Variants in MUC6 observed in about 807,000 individuals in gnomAD.
MUC6 encodes mucin-6.
MUC6 carries 188 observed loss-of-function variants against 201.5 expected under a neutral mutation model. That is an observed-to-expected ratio of 0.93 (90% confidence interval 0.83 to 1.05). MUC6 has a LOEUF of 1.05. MUC6 is among the 50% of genes least tolerant of loss of function. MUC6 has a pLI of 0.00. For synonymous variants in MUC6, 1,228 were observed against 1,389.4 expected (o/e 0.88, Z 2.58); for missense variants, 2,706 against 3,256.9 (o/e 0.83, Z 4.12).
At position 1,020,749 on chromosome 11, in the gene MUC6, G is replaced by A. The variant is rs1386875102; in HGVS notation, c.3590-15C>T. 3.1e-6 allele frequency: 5 copies of A among 1,611,950 alleles called. No individual in the cohort carries two copies. The highest frequency in any genetic ancestry group is 3.4e-6 in the Non-Finnish European group (4 of 1,179,740). On this transcript the variant is annotated splice_polypyrimidine_tract_variant and intron_variant, in intron 27 of 32. Coordinates refer to ENST00000421673, the MANE Select transcript of MUC6 (RefSeq NM_005961.3). Reference sequence around the variant, plus strand: ...GGTGGGCGGCACTGCAAGAAGATGGGGTCAGCTCCCTGTGGTTCTCTAAGC... The same window carrying A: ...GGTGGGCGGCACTGCAAGAAGATGGAGTCAGCTCCCTGTGGTTCTCTAAGC...
Position 1,020,158 on chromosome 11 carries a change from G to T in MUC6, c.3740C>A (p.Ala1247Asp), listed in dbSNP as rs780756809. The change falls in exon 29 of 33, where the codon GCC becomes GAC. Residue 1247 changes from alanine to aspartate, a missense_variant. Transcript: ENST00000421673. ...GPSPSSNHTP[A>D]SPTQTPLLPA... ...AAGGAGGGGTGTCTGGGTGGGGCTGGCAGGGGTGTGATTAGAGCTGGGTGA... is the reference window on the plus strand; with the variant it reads ...AAGGAGGGGTGTCTGGGTGGGGCTGTCAGGGGTGTGATTAGAGCTGGGTGA... 4.8e-5 allele frequency: 77 copies of T among 1,613,016 alleles called. No individual in the cohort carries two copies. Among genetic ancestry groups the T allele is most frequent in the Non-Finnish European group, 6.3e-5 (74 of 1,179,856 alleles).
rs113221011 is a variant in MUC6, at chr11:1,012,943, C to T, written c.*513G>A. ...CCTTCTGCCTGGCTGGGAGCGGGGGCGGCTGCCCTGCCCTCGCTGCCACCC... is the reference window on the plus strand; with the variant it reads ...CCTTCTGCCTGGCTGGGAGCGGGGGTGGCTGCCCTGCCCTCGCTGCCACCC... On this transcript the variant is annotated 3_prime_UTR_variant, in exon 33 of 33. Transcript: ENST00000421673. The T allele has an allele frequency of 7.7e-5, 12 of 155,880 alleles. No individual in the cohort carries two copies. Among genetic ancestry groups the T allele is most frequent in the East Asian group, 3.8e-4 (2 of 5,236 alleles). 9.7% of individuals were successfully genotyped at this position (155,880 alleles called of 1,614,324 possible). A position where few individuals can be genotyped will look rare whatever the true frequency, so the allele number is the denominator to read the frequency against.
At chr11:1,032,109 G>A (rs1334308878) in intron 2 of MUC6, 56 bp from the exon 3 acceptor site, 31 of 1,590,450 alleles carry the variant, frequency 1.9e-5, no homozygotes, top group Non-Finnish European at 2.4e-5. Context: ...TGGCCAGGCA[G>A]GGCTGGGGCA....
intron 26 of MUC6, 139 bp downstream of exon 26, chr11:1,023,370 G>GAA: frequency 9.1e-7 from 1 of 1,097,794 alleles, no homozygotes; most frequent in Admixed American, 2.3e-5. Context: ...GTGAATGAAT[G>GAA]TGTGCAAATT....
At chr11:1,020,459 C>G (rs1179741216) in intron 28 of MUC6, among the ~76,000 whole-genome samples, 5 of 152,154 alleles carry the variant, frequency 3.3e-5, no homozygotes, top group South Asian at 2.1e-4. Context: ...TGTTGAGGCC[C>G]CACTCTGTGC....
chr11:1,019,424 G>C lies in MUC6; in HGVS notation c.3881C>G (p.Ser1294Trp). The change falls in exon 30 of 33, where the codon TCG becomes TGG. Residue 1294 changes from serine (S) to tryptophan (W), a missense_variant. Around this residue, in one of 10 missense-constraint regions of MUC6, gnomAD observed 1,850 missense variants for 1,958.3 expected, o/e 0.94. Coordinates refer to ENST00000421673, the MANE Select transcript of MUC6 (RefSeq NM_005961.3). ...SGLPPTATLR[S>W]TATKPTVTQA... ...GGTCACTGTGGGTTTTGTGGCTGTCGATCTCAGTGTGGCTGTGGGAGGCAG... is the reference window on the plus strand; with the variant it reads ...GGTCACTGTGGGTTTTGTGGCTGTCCATCTCAGTGTGGCTGTGGGAGGCAG... 6.2e-7 allele frequency: 1 copy of C among 1,613,882 alleles called. No individual in the cohort carries two copies. The highest frequency in any genetic ancestry group is 8.5e-7 in the Non-Finnish European group (1 of 1,179,856).
chr11:1,030,968 G>C lies in MUC6; in HGVS notation c.663C>G (p.Thr221=). Residue 221 remains threonine (T), a synonymous_variant, in exon 6 of 33, where the codon ACC becomes ACG. Transcript: ENST00000421673. ...TTACGTGCTGGGCCTGCCGGACGTG[G>C]GTGCTGGGGATGTCCTGGAAGGTGC... is the stretch of plus-strand genomic sequence containing the variant. ...EICTFQDIPS[T]HVRQAQHARI... is the part of the protein sequence containing the mutation. 1.9e-6 allele frequency: 3 copies of C among 1,582,368 alleles called. No homozygotes were observed. The highest frequency in any genetic ancestry group is 2.6e-6 in the Non-Finnish European group (3 of 1,164,814).
rs562974872 is a variant in MUC6, at chr11:1,032,899, A to G, written c.115+114T>C. 8 of 833,002 alleles carry G rather than the reference A, an allele frequency of 9.6e-6. No individual in the cohort carries two copies. In the South Asian group the frequency reaches 1.3e-4, roughly 13 times the overall value. 51.6% of individuals were successfully genotyped at this position (833,002 alleles called of 1,614,324 possible). ...TGCATGTGTGTTCATGTTGGTGCATATATGTGTGTTGGATGTGTGTGTCTT... is the reference window on the plus strand; with the variant it reads ...TGCATGTGTGTTCATGTTGGTGCATGTATGTGTGTTGGATGTGTGTGTCTT... On this transcript the variant is annotated intron_variant, in intron 2 of 32. Transcript: ENST00000421673.
At chr11:1,030,363 G>C (rs112111283) in intron 7 of MUC6, 28 bp from the exon 8 acceptor site, 80,117 of 1,540,308 alleles carry the variant, frequency 0.052, 2,300 homozygotes, top group African/African-American at 0.091. Flanking sequence ...TCCGGTGAGA[G>C]GGTCCCACCC....
Position 1,013,539 on chromosome 11 carries a change from G to A in MUC6, c.7237C>T (p.Pro2413Ser), listed in dbSNP as rs1326639755. Residue 2413 changes from proline to serine, a missense_variant, in exon 33 of 33, where the codon CCC becomes TCC. Physicochemically the swap from Pro to Ser is moderately conservative, Grantham distance 74 (BLOSUM62 -1). Around this residue, in one of 10 missense-constraint regions of MUC6, gnomAD observed 586 missense variants for 488.0 expected, o/e 1.20. Coordinates refer to ENST00000421673, the MANE Select transcript of MUC6 (RefSeq NM_005961.3). ...EQQLELPCPDPSTPGRRLVLT... is the reference protein window; with the variant it reads ...EQQLELPCPDSSTPGRRLVLT... ...ACGAGCCGCCGGCCAGGCGTGCTGG[G>A]ATCGGGGCAGGGCAGCTCCAGCTGC... The A allele has an allele frequency of 6.3e-7, 1 of 1,580,168 alleles. No individual in the cohort carries two copies. Among genetic ancestry groups the A allele is most frequent in the African/African-American group, 1.3e-5 (1 of 74,220 alleles).
chr11:1,035,686 TG>T (rs980213161), intron 1 of MUC6, among the ~76,000 whole-genome samples: 1 of 151,816 alleles, frequency 6.6e-6, no homozygotes, highest in Non-Finnish European at 1.5e-5. Flanking sequence ...GGGACACCCC[TG>T]GGGGGGTCCC....
In MUC6 at chr11:1,027,295, T is replaced by G. The variant is rs1040983143; in HGVS notation, c.2204A>C (p.Gln735Pro). The G allele has an allele frequency of 3.1e-6, 5 of 1,612,730 alleles. No individual in the cohort carries two copies. The highest frequency in any genetic ancestry group is 4.2e-6 in the Non-Finnish European group (5 of 1,179,828). The part of the protein sequence containing the change: ...LEGYKFILAE[Q>P]STVINGITCH... ...GGTGATGCCGTTGATGACAGTGGAC[T>G]GCTCGGCCAGGATGAACTTGTAACC... Residue 735 changes from glutamine (Q) to proline (P), a missense_variant, in exon 17 of 33, where the codon CAG becomes CCG. This residue lies in a region of MUC6 where 1,850 missense variants were observed against 1,958.3 expected (regional missense o/e 0.94). Coordinates refer to ENST00000421673, the MANE Select transcript of MUC6 (RefSeq NM_005961.3).
At chr11:1,031,407 G>T (rs1857101719) in intron 4 of MUC6, 148 bp from the exon 5 acceptor site, 2 of 1,173,580 alleles carry the variant, frequency 1.7e-6, no homozygotes, top group South Asian at 1.6e-5. Flanking sequence ...TAATTTTCCA[G>T]TGGAGAAGCC....
chr11:1,018,450 A>G lies in MUC6; in HGVS notation c.4351T>C (p.Ser1451Pro). ...TTLPTHVPPF[S>P]TSLVTPSTHT... Reference sequence around the variant, plus strand: ...GTACTTGGAGTCACCAAGGAGGTGGAGAAAGGTGGAACGTGAGTGGGAAGT... The same window carrying G: ...GTACTTGGAGTCACCAAGGAGGTGGGGAAAGGTGGAACGTGAGTGGGAAGT... Residue 1451 changes from serine (S) to proline (P), a missense_variant, in exon 31 of 33, where the codon TCC becomes CCC. By Grantham distance (74) the Ser-to-Pro change is moderately conservative (BLOSUM62 -1). This residue lies in a region of MUC6 where 128 missense variants were observed against 206.5 expected (regional missense o/e 0.62). Transcript: ENST00000421673. 3.1e-6 allele frequency: 5 copies of G among 1,614,054 alleles called. No individual in the cohort carries two copies. The highest frequency in any genetic ancestry group is 4.2e-6 in the Non-Finnish European group (5 of 1,179,884).
At position 1,026,359 on chromosome 11, in the gene MUC6, TC is replaced by T; in HGVS notation, c.2513del (p.Gly838GlufsTer74). Reference sequence around the variant, plus strand: ...TGCAGTCAGTGTGGAGCTCAGCTCCTCCAGGGTAGGAGACCCCCGAGAACTC... The same window carrying T: ...TGCAGTCAGTGTGGAGCTCAGCTCCTCAGGGTAGGAGACCCCCGAGAACTC... ...PCEFSGVSYP[G>X]GAELHTDCRT... On this transcript the variant is annotated frameshift_variant, in exon 20 of 33. Transcript: ENST00000421673. LOFTEE classifies it high-confidence loss of function. 6.3e-7 allele frequency: 1 copy of T among 1,599,026 alleles called. No individual in the cohort carries two copies. Among genetic ancestry groups the T allele is most frequent in the South Asian group, 1.1e-5 (1 of 90,166 alleles).
intron 26 of MUC6, among the ~76,000 whole-genome samples, chr11:1,023,020 ATG>A (rs932543004): frequency 6.6e-6 from 1 of 151,158 alleles, no homozygotes. Flanking sequence ...GCATGAATGA[ATG>A]TGAATGTGTT....
At position 1,020,094 on chromosome 11, in the gene MUC6, C is replaced by A. The variant is rs537722730; in HGVS notation, c.3804G>T (p.Ser1268=). ...TLTSSKPTAS[S]GEPPRPTTAV... The stretch of plus-strand genomic sequence containing the variant: ...GCTCAGCTGGAGGCTCCTTACCTCC[C>A]GAGGAGGCTGTGGGCTTGGAGGATG... Residue 1268 remains serine (S), a synonymous_variant, in exon 29 of 33, where the codon TCG becomes TCT. Transcript: ENST00000421673. 1 of 1,613,284 alleles carries A rather than the reference C, an allele frequency of 6.2e-7. No homozygotes were observed. Among genetic ancestry groups the A allele is most frequent in the Non-Finnish European group, 8.5e-7 (1 of 1,179,818 alleles).
chr11:1,028,828 C>G (rs770283778), intron 12 of MUC6, 45 bp from the exon 13 acceptor site: 1 of 1,609,286 alleles, frequency 6.2e-7, no homozygotes, highest in Non-Finnish European at 8.5e-7. Flanking sequence ...TCCCTCCCCA[C>G]CCACTGCAGC....
intron 24 of MUC6, 132 bp downstream of exon 24, chr11:1,024,710 ACT>A (rs1254679018): frequency 1.6e-4 from 217 of 1,397,354 alleles, no homozygotes; most frequent in Middle Eastern, 5.1e-4. Flanking sequence ...AGGGTCTGAA[ACT>A]CTCTGCACCC....
Sources: allele counts gnomAD v4.1 joint callset (sites outside exome capture counted in the v4.1 genomes callset), GRCh38; gene constraint gnomAD v4.1.1; regional missense constraint gnomAD v4.1.1; transcripts MANE v1.5; gene names NCBI Gene and HGNC (gene_info 2026-07-23, HGNC 2026-07-21).